Variants in GAB3 observed in about 807,000 individuals in gnomAD.
The protein encoded by GAB3 is GRB2-associated-binding protein 3.
A neutral mutation model predicts 40.4 loss-of-function variants in GAB3; 12 were observed. The ratio of observed to expected loss-of-function variants is 0.30; its 90% CI spans 0.19 to 0.48. The LOEUF is 0.48. GAB3 is among the 20% of genes least tolerant of loss of function. The probability of loss-of-function intolerance (pLI) is 0.99; values close to 1 mark genes in which losing one functional copy is unlikely to be tolerated. For missense variants in GAB3, 381 were observed against 461.9 expected (o/e 0.82, Z 1.61); for synonymous variants, 154 against 176.7 (o/e 0.87, Z 1.02).
rs782381782 is a variant in GAB3 at position 154,712,488 on chromosome X, G to C, written c.810C>G (p.His270Gln). 9.9e-6 allele frequency: 12 copies of C among 1,209,767 alleles called. No individual in the cohort carries two copies. The highest frequency in any genetic ancestry group is 3.5e-5 in the South Asian group (2 of 56,601). ...TTTCCAGCAATGGTGAAGAAGACAA[G>C]TGGTCCCTGGGTGGCCCATTGATTT... Reference protein sequence around the residue: ...SREINGPPRDHLSSSPLLESS... With the variant: ...SREINGPPRDQLSSSPLLESS... The change falls in exon 4 of 10, where the codon CAC becomes CAG. Residue 270 changes from histidine (H) to glutamine (Q), a missense_variant. Physicochemically the swap from His to Gln is conservative, Grantham distance 24. Coordinates refer to ENST00000424127, the MANE Select transcript of GAB3 (RefSeq NM_001081573.3).
chrX:154,696,392 T>C (rs2070659470), intron 7 of GAB3, among the ~76,000 whole-genome samples: 1 of 109,362 alleles, frequency 9.1e-6, no homozygotes, highest in African/African-American at 3.3e-5. Flanking sequence ...ATTCCTCTGA[T>C]AGGACACAAG....
intron 4 of GAB3, among the ~76,000 whole-genome samples, chrX:154,702,975 G>T (rs782570947): frequency 1.8e-5 from 2 of 111,935 alleles, no homozygotes; most frequent in African/African-American, 6.5e-5. Context: ...AGTCAGAATG[G>T]TTATTATTAA....
intron 1 of GAB3, among the ~76,000 whole-genome samples, chrX:154,734,907 A>G (rs1450485048): frequency 1.8e-5 from 2 of 112,073 alleles, no homozygotes; most frequent in African/African-American, 3.2e-5. Flanking sequence ...TTATCAAAAT[A>G]TTTTCCTATG....
intron 8 of GAB3, among the ~76,000 whole-genome samples, chrX:154,692,212 GA>G (rs782203104): frequency 3.0e-4 from 33 of 111,427 alleles, no homozygotes; most frequent in Non-Finnish European, 4.7e-4. Context: ...ACTATCAAGA[GA>G]ATGAAAAGAC....
chrX:154,703,432 T>C (rs993795176), intron 4 of GAB3, among the ~76,000 whole-genome samples: 1 of 111,290 alleles, frequency 9.0e-6, no homozygotes, highest in African/African-American at 3.3e-5. Flanking sequence ...CTCTCACTTA[T>C]AAAAGTCAGA....
chrX:154,713,742 CAT>C (rs59885867), intron 2 of GAB3, among the ~76,000 whole-genome samples: 1,250 of 19,532 alleles, frequency 0.064, 22 homozygotes, highest in Non-Finnish European at 0.081. Context: ...AACTAACAAA[CAT>C]ATATATATAT....
chrX:154,751,305 G>A (rs1222016212), upstream of GAB3, among the ~76,000 whole-genome samples: 2 of 101,859 alleles, frequency 2.0e-5, no homozygotes, highest in Non-Finnish European at 4.1e-5. Flanking sequence ...TGTGGGGGGG[G>A]GAGCCTACGC....
intron 8 of GAB3, among the ~76,000 whole-genome samples, chrX:154,692,815 A>T (rs2070593072): frequency 8.9e-6 from 1 of 112,029 alleles, no homozygotes; most frequent in Non-Finnish European, 1.9e-5. Context: ...AAAAATTGTT[A>T]GTGAGGATGT....
At position 154,675,734 on chromosome X, in the gene GAB3, C is replaced by T. The variant is rs1254304464; in HGVS notation, c.*2444G>A. ...GCTGATTCCCACATCTTGTAGGTCTCTGGGATCATTTCTGTAACAAACATT... is the reference window on the plus strand; with the variant it reads ...GCTGATTCCCACATCTTGTAGGTCTTTGGGATCATTTCTGTAACAAACATT... On this transcript the variant is annotated 3_prime_UTR_variant, in exon 10 of 10. Transcript: ENST00000424127. 8.9e-6 allele frequency: 1 copy of T among 112,245 alleles called. No homozygotes were observed. Among genetic ancestry groups the T allele is most frequent in the Non-Finnish European group, 1.9e-5 (1 of 53,252 alleles). The allele number at this position is 112,245 out of a possible 1,213,427, so 9.3% of individuals were successfully genotyped here.
intron 4 of GAB3, 73 bp from the exon 5 acceptor site, chrX:154,700,132 G>T: frequency 1.2e-6 from 1 of 845,859 alleles, no homozygotes; most frequent in Non-Finnish European, 1.8e-6. Context: ...GAGAGGCAGA[G>T]AAGCATAACA....
chrX:154,700,096 A>C (rs782485246), intron 4 of GAB3, 37 bp from the exon 5 acceptor site: 1 of 1,097,870 alleles, frequency 9.1e-7, no homozygotes, highest in Non-Finnish European at 1.3e-6. Context: ...GAAATGCAGA[A>C]CAATATCAAC....
At chrX:154,705,797 TTCTC>T (rs1168528800) in intron 4 of GAB3, among the ~76,000 whole-genome samples, 3 of 111,858 alleles carry the variant, frequency 2.7e-5, no homozygotes, top group Non-Finnish European at 5.6e-5. Flanking sequence ...GGAAGACAAA[TTCTC>T]TCTATTTGCA....
In GAB3 at chrX:154,695,969, C is replaced by T. The variant is rs1412287245; in HGVS notation, c.1478G>A (p.Arg493Lys). The part of the protein sequence containing the change: ...SPERNGINSA[R>K]FFANPVSRED... ...TCTGGAAACAGGATTAGCAAAAAAT[C>T]TTGCAGAATTAATACCATTTCTTTC... The change falls in exon 8 of 10, where the codon AGA becomes AAA. Residue 493 changes from arginine to lysine, a missense_variant. By Grantham distance (26) the Arg-to-Lys change is conservative. Transcript: ENST00000424127. 1.7e-6 allele frequency: 2 copies of T among 1,197,949 alleles called. No individual in the cohort carries two copies. Among genetic ancestry groups the T allele is most frequent in the African/African-American group, 3.5e-5 (2 of 56,967 alleles).
chrX:154,733,142 A>G (rs1557260136), intron 1 of GAB3, among the ~76,000 whole-genome samples: 1 of 112,412 alleles, frequency 8.9e-6, no homozygotes, highest in East Asian at 2.8e-4. Flanking sequence ...CCAAGAATAC[A>G]TGTGCAAGTT....
At chrX:154,692,103 T>A (rs922353681) in intron 8 of GAB3, among the ~76,000 whole-genome samples, 3 of 111,801 alleles carry the variant, frequency 2.7e-5, no homozygotes, top group Non-Finnish European at 5.6e-5. Flanking sequence ...GACATTGGAT[T>A]TGGCAATGAT....
chrX:154,683,959 A>G (rs1399079644), intron 8 of GAB3, among the ~76,000 whole-genome samples: 1 of 111,738 alleles, frequency 8.9e-6, no homozygotes, highest in Non-Finnish European at 1.9e-5. Flanking sequence ...GCATAATACA[A>G]TGGAATATTA....
intron 1 of GAB3, among the ~76,000 whole-genome samples, chrX:154,745,333 GA>G (rs1407480375): frequency 8.0e-4 from 65 of 81,742 alleles, no homozygotes; most frequent in Admixed American, 1.2e-3. Flanking sequence ...CTCAGTCTCA[GA>G]AAAAAAAAAA....
Position 154,678,110 on chromosome X carries a change from A to G in GAB3, c.*68T>C, listed in dbSNP as rs1199575910. ...TGTGTTTTTAGTGGACAAAAAAAAA[A>G]AAAAAAGAAAAAACTCAAACTGAGC... On this transcript the variant is annotated 3_prime_UTR_variant, in exon 10 of 10. Transcript: ENST00000424127. The G allele has an allele frequency of 3.3e-5, 19 of 571,999 alleles. No individual in the cohort carries two copies. The African/African-American group carries it at 3.8e-4, about 11-fold the overall frequency. The allele number at this position is 571,999 out of a possible 1,213,427, so 47.1% of individuals were successfully genotyped here.
chrX:154,734,759 C>T (rs782382525), intron 1 of GAB3, among the ~76,000 whole-genome samples: 21 of 112,189 alleles, frequency 1.9e-4, no homozygotes, highest in South Asian at 7.4e-4. Flanking sequence ...CACTCTAACG[C>T]TTGCCCTTAG....
Sources: allele counts gnomAD v4.1 joint callset (sites outside exome capture counted in the v4.1 genomes callset), GRCh38; gene constraint gnomAD v4.1.1; transcripts MANE v1.5; gene names NCBI Gene and HGNC (gene_info 2026-07-23, HGNC 2026-07-21).